CALB1: variants seen among roughly 807,000 people sequenced by gnomAD.
CALB1 encodes the protein calbindin.
Under a neutral mutation model 46.7 loss-of-function variants are expected in CALB1, and 16 were observed. The ratio of observed to expected loss-of-function variants is 0.34; its 90% CI spans 0.23 to 0.52. The LOEUF (loss-of-function observed/expected upper bound fraction) is 0.52, where lower values mean the gene tolerates loss of function less well. Ranked by LOEUF, CALB1 falls within the 20% of genes least tolerant of loss-of-function variation. CALB1 has a pLI of 0.95. For synonymous variants in CALB1, 90 were observed against 112.8 expected (o/e 0.80, Z 1.28); for missense variants, 224 against 300.3 (o/e 0.75, Z 1.88).
intron 3 of CALB1, among the ~76,000 whole-genome samples, chr8:90,075,924 G>C (rs1348016986): frequency 6.6e-6 from 1 of 152,052 alleles, no homozygotes; most frequent in Non-Finnish European, 1.5e-5. Flanking sequence ...ATCTAAGTCT[G>C]TATATAGAAT....
At chr8:90,072,297 T>A (rs1814539556) in intron 3 of CALB1, among the ~76,000 whole-genome samples, 1 of 152,228 alleles carries the variant, frequency 6.6e-6, no homozygotes, top group Non-Finnish European at 1.5e-5. Flanking sequence ...CTCCTGAATG[T>A]CAGATACAGA....
At chr8:90,068,060 T>C (rs1814432480) in intron 5 of CALB1, among the ~76,000 whole-genome samples, 2 of 152,126 alleles carry the variant, frequency 1.3e-5, no homozygotes, top group Non-Finnish European at 2.9e-5. Flanking sequence ...CAGATGGCGA[T>C]GTTTTGGGGT....
intron 5 of CALB1, 132 bp from the exon 6 acceptor site, chr8:90,066,107 T>A: frequency 3.2e-6 from 2 of 631,546 alleles, no homozygotes; most frequent in Admixed American, 5.1e-5. Flanking sequence ...AGCAGGTGAG[T>A]AGAGGAACTT....
intron 9 of CALB1, chr8:90,062,333 A>C (rs1480054807): frequency 2.6e-5 from 4 of 152,024 alleles, no homozygotes; most frequent in African/African-American, 9.7e-5. Flanking sequence ...AAGCAAAAAT[A>C]GACAAGCGAG....
At chr8:90,064,022 C>G (rs544655517) in intron 6 of CALB1, 1 of 151,972 alleles carries the variant, frequency 6.6e-6, no homozygotes, top group Admixed American at 6.6e-5. Context: ...TAAACACACT[C>G]ATACCCGTAT....
At chr8:90,075,491 C>T (rs1239009410) in intron 3 of CALB1, among the ~76,000 whole-genome samples, 1 of 152,050 alleles carries the variant, frequency 6.6e-6, no homozygotes, top group African/African-American at 2.4e-5. Flanking sequence ...TAGGATTTTG[C>T]ATTCCTTTAT....
At chr8:90,081,447 C>T (rs1447090471) in intron 2 of CALB1, 4 of 982,398 alleles carry the variant, frequency 4.1e-6, no homozygotes, top group Non-Finnish European at 4.8e-6. Context: ...TTCTCATCTC[C>T]CCAACTACAT....
Position 90,069,070 on chromosome 8 carries a change from G to A in CALB1, c.316-16C>T, listed in dbSNP as rs200835183. On this transcript the variant is annotated splice_polypyrimidine_tract_variant and intron_variant, in intron 4 of 10. Transcript: ENST00000265431. Reference sequence around the variant, plus strand: ...TTCTCCATGTCTGTAAGTAATTTTGGATAAGGAAAACAAACACATTTTTAA... The same window carrying A: ...TTCTCCATGTCTGTAAGTAATTTTGAATAAGGAAAACAAACACATTTTTAA... 3.7e-6 allele frequency: 6 copies of A among 1,612,532 alleles called. No homozygotes were observed. The East Asian group carries it at 1.3e-4, about 36-fold the overall frequency.
In CALB1 at chr8:90,082,150, G is replaced by T. The variant is rs780897466; in HGVS notation, c.80-48C>A. 1.3e-6 allele frequency: 2 copies of T among 1,488,350 alleles called. 1 individual carries two copies. The highest frequency in any genetic ancestry group is 2.3e-5 in the South Asian group (2 of 87,470). The allele number at this position is 1,488,350 out of a possible 1,614,324, so 92.2% of individuals were successfully genotyped here. On this transcript the variant is annotated intron_variant, in intron 1 of 10. Coordinates refer to ENST00000265431, the MANE Select transcript of CALB1 (RefSeq NM_004929.4). Reference sequence around the variant, plus strand: ...AGGTGTCAGATATCTCATTCCAAGTGTCTTTCCCGTTCACTTTCCAAGACA... The same window carrying T: ...AGGTGTCAGATATCTCATTCCAAGTTTCTTTCCCGTTCACTTTCCAAGACA...
chr8:90,078,345 A>T, intron 3 of CALB1, 28 bp downstream of exon 3: 1 of 1,390,202 alleles, frequency 7.2e-7, no homozygotes, highest in South Asian at 1.2e-5. Flanking sequence ...TATTAAAATT[A>T]AATCAGAAAA....
At chr8:90,080,893 G>A (rs886614384) in intron 2 of CALB1, among the ~76,000 whole-genome samples, 1 of 152,038 alleles carries the variant, frequency 6.6e-6, no homozygotes, top group Non-Finnish European at 1.5e-5. Context: ...AATATTAGAG[G>A]TGGTGATCTG....
At chr8:90,067,098 C>G (rs1303963876) in intron 5 of CALB1, among the ~76,000 whole-genome samples, 1 of 151,994 alleles carries the variant, frequency 6.6e-6, no homozygotes, top group Non-Finnish European at 1.5e-5. Flanking sequence ...TATTTTTGAG[C>G]CTTCTGGGGC....
chr8:90,078,760 T>C (rs1442436598), intron 2 of CALB1, among the ~76,000 whole-genome samples: 1 of 152,056 alleles, frequency 6.6e-6, no homozygotes, highest in Non-Finnish European at 1.5e-5. Flanking sequence ...AATTTTAACA[T>C]AATCATCACC....
chr8:90,081,896 C>A, intron 2 of CALB1, 130 bp downstream of exon 2: 1 of 600,580 alleles, frequency 1.7e-6, no homozygotes. Flanking sequence ...TTTTTTCTTG[C>A]CTTTCGCAGT....
At chr8:90,079,289 T>C (rs1040453126) in intron 2 of CALB1, among the ~76,000 whole-genome samples, 1 of 151,996 alleles carries the variant, frequency 6.6e-6, no homozygotes, top group African/African-American at 2.4e-5. Context: ...TAAAGGGCTA[T>C]ATTGAGACTA....
rs1452243177 is a variant in CALB1, at chr8:90,059,985, T to A, written c.*188A>T. 7 of 489,638 alleles carry A rather than the reference T, an allele frequency of 1.4e-5. No homozygotes were observed. Among genetic ancestry groups the A allele is most frequent in the Non-Finnish European group, 2.5e-5 (7 of 276,536 alleles). 30.3% of individuals were successfully genotyped at this position (489,638 alleles called of 1,614,324 possible). A position where few individuals can be genotyped will look rare whatever the true frequency, so the allele number is the denominator to read the frequency against. On this transcript the variant is annotated 3_prime_UTR_variant, in exon 11 of 11. Coordinates refer to ENST00000265431, the MANE Select transcript of CALB1 (RefSeq NM_004929.4). Reference sequence around the variant, plus strand: ...ATAGACTTTCTTCTTTTCAATCATATGGTTACAAAAACTGTATATTACAAA... The same window carrying A: ...ATAGACTTTCTTCTTTTCAATCATAAGGTTACAAAAACTGTATATTACAAA...
chr8:90,082,584 G>C, intron 1 of CALB1, 35 bp downstream of exon 1: 2 of 1,553,478 alleles, frequency 1.3e-6, no homozygotes, highest in East Asian at 2.2e-5. Flanking sequence ...GCATGGAAAC[G>C]GGTCTTGAAA....
chr8:90,071,951 G>A (rs1377222733), intron 3 of CALB1, among the ~76,000 whole-genome samples: 3 of 152,040 alleles, frequency 2.0e-5, no homozygotes, highest in Admixed American at 1.3e-4. Context: ...TGCCCAGCAT[G>A]GTATCTAGCA....
intron 3 of CALB1, among the ~76,000 whole-genome samples, chr8:90,071,026 G>T (rs185274467): frequency 2.0e-5 from 3 of 152,132 alleles, no homozygotes; most frequent in Admixed American, 2.0e-4. Context: ...TTCAATTGAG[G>T]ATGCTAAGGC....
Sources: allele counts gnomAD v4.1 joint callset (sites outside exome capture counted in the v4.1 genomes callset), GRCh38; gene constraint gnomAD v4.1.1; transcripts MANE v1.5; gene names NCBI Gene and HGNC (gene_info 2026-07-23, HGNC 2026-07-21).